Variants in DIP2C observed in about 807,000 individuals in gnomAD.
DIP2C encodes disco-interacting protein 2 homolog C.
DIP2C carries 33 observed loss-of-function variants against 192.4 expected under a neutral mutation model. That is an observed-to-expected ratio of 0.17 (90% CI 0.13 to 0.23). DIP2C has a LOEUF of 0.23. DIP2C is among the 10% of genes least tolerant of loss of function. The pLI is 1.00. For missense variants in DIP2C, 1,537 were observed against 2,110.1 expected (o/e 0.73, Z 5.32); for synonymous variants, 979 against 864.1 (o/e 1.13, Z -2.33).
At chr10:390,193 T>C (rs1963347554) in intron 12 of DIP2C, 71 bp downstream of exon 12, 2 of 1,593,056 alleles carry the variant, frequency 1.3e-6, no homozygotes, top group Admixed American at 3.3e-5. Context: ...GGCACTCGTG[T>C]AACCGTCAGA....
intron 1 of DIP2C, among the ~76,000 whole-genome samples, chr10:589,516 G>C (rs551152093): frequency 6.6e-6 from 1 of 152,168 alleles, no homozygotes; most frequent in South Asian, 2.1e-4. Context: ...ATTTCTCCTT[G>C]TTTTCACTCT....
intron 1 of DIP2C, among the ~76,000 whole-genome samples, chr10:543,205 T>C (rs748901439): frequency 7.9e-5 from 12 of 152,204 alleles, no homozygotes; most frequent in Non-Finnish European, 1.6e-4. Context: ...GGAATAACCG[T>C]CTCCTTTGCA....
chr10:633,434 G>C (rs974636558), intron 1 of DIP2C, among the ~76,000 whole-genome samples: 8 of 152,104 alleles, frequency 5.3e-5, no homozygotes, highest in African/African-American at 1.9e-4. Context: ...GCTGCAGAGC[G>C]GACGCGGGGA....
intron 9 of DIP2C, among the ~76,000 whole-genome samples, chr10:400,548 G>A (rs541508602): frequency 2.6e-5 from 4 of 152,144 alleles, no homozygotes; most frequent in African/African-American, 7.2e-5. Context: ...TGAATCCTGT[G>A]ATTTTACACG....
intron 1 of DIP2C, among the ~76,000 whole-genome samples, chr10:596,749 T>G (rs879522102): frequency 1.3e-4 from 20 of 152,046 alleles, no homozygotes; most frequent in Non-Finnish European, 2.8e-4. Context: ...AGCACCCGGC[T>G]CAAGCGTCTG....
At chr10:576,248 C>T (rs1850148182) in intron 1 of DIP2C, among the ~76,000 whole-genome samples, 1 of 152,232 alleles carries the variant, frequency 6.6e-6, no homozygotes, top group African/African-American at 2.4e-5. Context: ...AGGGAGCTGT[C>T]GCCCAGTTAT....
intron 8 of DIP2C, among the ~76,000 whole-genome samples, chr10:412,157 G>C (rs181789179): frequency 1.3e-5 from 2 of 152,248 alleles, no homozygotes; most frequent in Non-Finnish European, 2.9e-5. Flanking sequence ...GCAGCAGAGA[G>C]TGGCGATCCT....
At chr10:526,024 G>A (rs1397045223) in intron 1 of DIP2C, among the ~76,000 whole-genome samples, 18 of 152,198 alleles carry the variant, frequency 1.2e-4, no homozygotes, top group Admixed American at 5.2e-4. Flanking sequence ...CGCCTGGCGT[G>A]GATTTTCCTT....
In DIP2C at chr10:597,382, A is replaced by G. The variant is rs186793381; in HGVS notation, c.85+92112T>C. 5.5e-3 allele frequency among the ~76,000 whole-genome samples: 842 copies of G among 152,306 alleles called. 10 individuals carry two copies. Among genetic ancestry groups the G allele is most frequent in the Non-Finnish European group, 8.1e-3 (550 of 68,026 alleles). On this transcript the variant is annotated intron_variant, in intron 1 of 36. Coordinates refer to ENST00000280886, the MANE Select transcript of DIP2C (RefSeq NM_014974.3). ...CACCGGGCTGGCTCTGTCTCTCTGGAGAGCCCTGACTAAGCTGCCCCTAGA... is the reference window on the plus strand; with the variant it reads ...CACCGGGCTGGCTCTGTCTCTCTGGGGAGCCCTGACTAAGCTGCCCCTAGA...
At chr10:537,119 A>AGAAGTGAGGGT (rs1440348158) in intron 1 of DIP2C, among the ~76,000 whole-genome samples, 3 of 152,236 alleles carry the variant, frequency 2.0e-5, no homozygotes, top group East Asian at 1.9e-4. Flanking sequence ...CTGTGGGGGA[A>AGAAGTGAGGGT]GAAGTGAGGG....
In DIP2C at chr10:357,816, C is replaced by A; in HGVS notation, c.2904+12G>T. On this transcript the variant is annotated intron_variant, in intron 23 of 36. Coordinates refer to ENST00000280886, the MANE Select transcript of DIP2C (RefSeq NM_014974.3). ...GGGGACGGTCGGGGAGACTCAGGGA[C>A]CCAGCTCCTACCTTGCGTGCCTGGT... The A allele has an allele frequency of 6.2e-7, 1 of 1,606,360 alleles. No individual in the cohort carries two copies. Among genetic ancestry groups the A allele is most frequent in the Non-Finnish European group, 8.5e-7 (1 of 1,174,762 alleles).
intron 1 of DIP2C, among the ~76,000 whole-genome samples, chr10:514,213 G>C (rs561242671): frequency 1.5e-5 from 2 of 132,074 alleles, no homozygotes; most frequent in African/African-American, 8.1e-5. Context: ...CCCTTCCTTG[G>C]GCTTTGCTCA....
chr10:678,839 G>T (rs1366324504), intron 1 of DIP2C, among the ~76,000 whole-genome samples: 1 of 70,584 alleles, frequency 1.4e-5, no homozygotes, highest in African/African-American at 8.2e-5. Context: ...CCACACCCGT[G>T]CTCCCCGCAC....
intron 1 of DIP2C, among the ~76,000 whole-genome samples, chr10:512,443 G>T (rs1253973683): frequency 1.3e-5 from 2 of 152,088 alleles, no homozygotes; most frequent in African/African-American, 4.8e-5. Context: ...TGGGCGTGGT[G>T]ATATGTATCT....
At chr10:446,628 G>C (rs1470781859) in intron 3 of DIP2C, among the ~76,000 whole-genome samples, 1 of 152,226 alleles carries the variant, frequency 6.6e-6, no homozygotes, top group African/African-American at 2.4e-5. Context: ...CTGAACCACG[G>C]AGAATGGCCA....
intron 1 of DIP2C, among the ~76,000 whole-genome samples, chr10:674,771 A>AATAT (rs375454744): frequency 0.036 from 1,008 of 27,682 alleles, 62 homozygotes; most frequent in East Asian, 0.14. Flanking sequence ...CTCCATCTCA[A>AATAT]ATATATATAT....
chr10:321,217 C>T (rs1217726675), intron 31 of DIP2C, among the ~76,000 whole-genome samples: 2 of 152,200 alleles, frequency 1.3e-5, no homozygotes, highest in Non-Finnish European at 2.9e-5. Context: ...GTCCAGGCGC[C>T]AAGTCAGCAC....
intron 32 of DIP2C, among the ~76,000 whole-genome samples, 197 bp downstream of exon 32, chr10:309,834 A>G (rs1213316687): frequency 1.3e-5 from 2 of 152,138 alleles, no homozygotes; most frequent in East Asian, 1.9e-4. Context: ...TACAGGCGTG[A>G]GCCACCATGC....
chr10:531,330 CGT>C (rs369724902), intron 1 of DIP2C, among the ~76,000 whole-genome samples: 7 of 152,074 alleles, frequency 4.6e-5, no homozygotes, highest in African/African-American at 1.7e-4. Context: ...AACAAACTCC[CGT>C]GTGTTTAAAT....
Sources: allele counts gnomAD v4.1 joint callset (sites outside exome capture counted in the v4.1 genomes callset), GRCh38; gene constraint gnomAD v4.1.1; transcripts MANE v1.5; gene names NCBI Gene and HGNC (gene_info 2026-07-23, HGNC 2026-07-21).